Variants in ZCCHC18 observed in about 807,000 individuals in gnomAD.
ZCCHC18 encodes zinc finger CCHC domain-containing protein 18.
For missense variants in ZCCHC18, 292 were observed against 305.1 expected (o/e 0.96, Z 0.32); for synonymous variants, 112 against 115.7 (o/e 0.97, Z 0.21).
Position 104,115,465 on chromosome X carries a change from A to T in ZCCHC18, c.*142A>T. ...TTGGGAAGGAGAAGAGGTCTTGCAT[A>T]CCAGCACAGTGGATGGGGAATGGTG... On this transcript the variant is annotated 3_prime_UTR_variant, in exon 3 of 3. Transcript: ENST00000650639. 1 of 544,144 alleles carries T rather than the reference A, an allele frequency of 1.8e-6. No individual in the cohort carries two copies. Among genetic ancestry groups the T allele is most frequent in the Non-Finnish European group, 3.0e-6 (1 of 338,877 alleles). 44.8% of individuals were successfully genotyped at this position (544,144 alleles called of 1,213,427 possible).
At position 104,115,335 on chromosome X, in the gene ZCCHC18, A is replaced by C. The variant is rs782010176; in HGVS notation, c.*12A>C. On this transcript the variant is annotated 3_prime_UTR_variant, in exon 3 of 3. Coordinates refer to ENST00000650639, the MANE Select transcript of ZCCHC18 (RefSeq NM_001143978.3). ...CTGAGCCACAGTAAGGATCTAGTCC[A>C]GCCCTAAATGAGTCCTTGACTGTAT... 3 of 1,144,567 alleles carry C rather than the reference A, an allele frequency of 2.6e-6. No homozygotes were observed. In the African/African-American group the frequency reaches 5.5e-5, roughly 21 times the overall value. The allele number at this position is 1,144,567 out of a possible 1,213,427, so 94.3% of individuals were successfully genotyped here.
At position 104,113,684 on chromosome X, in the gene ZCCHC18, T is replaced by C. The variant is rs1391378867; in HGVS notation, c.-428T>C. On this transcript the variant is annotated 5_prime_UTR_variant, in exon 3 of 3. It removes the in-frame stop codon of an upstream open reading frame in the 5' UTR. Transcript: ENST00000650639. Reference sequence around the variant, plus strand: ...TCATAAATCTGTGACACACAACCATTGAGTTCCGTTTTGAGGGCCCAGTAT... The same window carrying C: ...TCATAAATCTGTGACACACAACCATCGAGTTCCGTTTTGAGGGCCCAGTAT... 1.5e-5 allele frequency: 2 copies of C among 130,111 alleles called. No individual in the cohort carries two copies. The highest frequency in any genetic ancestry group is 1.6e-4 in the Admixed American group (2 of 12,690). The allele number at this position is 130,111 out of a possible 1,213,427, so 10.7% of individuals were successfully genotyped here.
Position 104,112,801 on chromosome X carries a change from A to C in ZCCHC18, c.-931A>C, listed in dbSNP as rs1270041915. On this transcript the variant is annotated 5_prime_UTR_variant, in exon 1 of 3. Transcript: ENST00000650639. ...ACATGCTGCCCACCAGTGGAGCACAAGTAAAGAAAGAACGCGCGATTGCCC... is the reference window on the plus strand; with the variant it reads ...ACATGCTGCCCACCAGTGGAGCACACGTAAAGAAAGAACGCGCGATTGCCC... 8.9e-6 allele frequency: 1 copy of C among 112,415 alleles called. No homozygotes were observed. The allele number at this position is 112,415 out of a possible 1,213,427, so 9.3% of individuals were successfully genotyped here. A position where few individuals can be genotyped will look rare whatever the true frequency, so the allele number is the denominator to read the frequency against.
Position 104,114,796 on chromosome X carries a change from C to T in ZCCHC18, c.685C>T (p.Arg229Trp), listed in dbSNP as rs2075368883. 3 of 1,210,590 alleles carry T rather than the reference C, an allele frequency of 2.5e-6. No individual in the cohort carries two copies. Among genetic ancestry groups the T allele is most frequent in the Middle Eastern group, 2.3e-4 (1 of 4,354 alleles). The part of the protein sequence containing the change: ...EEDWDDAFIK[R>W]KRPKRSEPIM... ...GGATTGGGATGATGCTTTTATTAAA[C>T]GGAAGCGGCCGAAAAGGTCTGAGCC... The change falls in exon 3 of 3, where the codon CGG (arginine) becomes TGG (tryptophan). Residue 229 changes from arginine (R) to tryptophan (W), a missense_variant. By Grantham distance (101) the Arg-to-Trp change is moderately radical. Coordinates refer to ENST00000650639, the MANE Select transcript of ZCCHC18 (RefSeq NM_001143978.3).
rs1201498048 is a variant in ZCCHC18 at position 104,112,584 on chromosome X, G to T, written c.-1148G>T. The T allele has an allele frequency of 8.8e-6, 1 of 113,858 alleles. No individual in the cohort carries two copies. Among genetic ancestry groups the T allele is most frequent in the Non-Finnish European group, 1.9e-5 (1 of 53,458 alleles). The allele number at this position is 113,858 out of a possible 1,213,427, so 9.4% of individuals were successfully genotyped here. On this transcript the variant is annotated 5_prime_UTR_variant, in exon 1 of 3. Coordinates refer to ENST00000650639, the MANE Select transcript of ZCCHC18 (RefSeq NM_001143978.3). ...CGCGGCTGCCCGGAGGGCCGAACTG[G>T]AGGGTGGGCGCAGCCTTGGCTGCCT... is the stretch of plus-strand genomic sequence containing the variant.
chrX:104,114,441 A>G lies in ZCCHC18; in HGVS notation c.330A>G (p.Val110=). The part of the protein sequence containing the change: ...LLQAANPNLS[V]ADFLRAMKLV... Reference sequence around the variant, plus strand: ...AGGCGGCCAACCCCAACCTAAGTGTAGCAGATTTCTTGCGGGCAATGAAAT... The same window carrying G: ...AGGCGGCCAACCCCAACCTAAGTGTGGCAGATTTCTTGCGGGCAATGAAAT... Residue 110 remains valine (V), a synonymous_variant, in exon 3 of 3, where the codon GTA becomes GTG. Coordinates refer to ENST00000650639, the MANE Select transcript of ZCCHC18 (RefSeq NM_001143978.3). 1.7e-6 allele frequency: 2 copies of G among 1,211,977 alleles called. No individual in the cohort carries two copies. Among genetic ancestry groups the G allele is most frequent in the Non-Finnish European group, 1.1e-6 (1 of 895,587 alleles).
Position 104,114,411 on chromosome X carries a change from G to T in ZCCHC18, c.300G>T (p.Leu100Phe). The change falls in exon 3 of 3, where the codon TTG (leucine) becomes TTT (phenylalanine). Residue 100 changes from leucine (L) to phenylalanine (F), a missense_variant. Physicochemically the swap from Leu to Phe is conservative, Grantham distance 22. Coordinates refer to ENST00000650639, the MANE Select transcript of ZCCHC18 (RefSeq NM_001143978.3). ...LRGPAREVMR[L>F]LQAANPNLSV... Reference sequence around the variant, plus strand: ...GCCCTGCCCGGGAGGTCATGCGTTTGCTTCAGGCGGCCAACCCCAACCTAA... The same window carrying T: ...GCCCTGCCCGGGAGGTCATGCGTTTTCTTCAGGCGGCCAACCCCAACCTAA... The T allele has an allele frequency of 8.3e-7, 1 of 1,212,018 alleles. No individual in the cohort carries two copies. The highest frequency in any genetic ancestry group is 1.1e-6 in the Non-Finnish European group (1 of 895,590).
chrX:104,115,613 G>T lies in ZCCHC18; in HGVS notation c.*290G>T. 1 of 259,096 alleles carries T rather than the reference G, an allele frequency of 3.9e-6. No homozygotes were observed. The highest frequency in any genetic ancestry group is 7.2e-6 in the Non-Finnish European group (1 of 139,015). 21.4% of individuals were successfully genotyped at this position (259,096 alleles called of 1,213,427 possible). On this transcript the variant is annotated 3_prime_UTR_variant, in exon 3 of 3. Transcript: ENST00000650639. Reference sequence around the variant, plus strand: ...TTTTCATTAAACCTTCAAAAATAAAGGAAGATACAAAAACTAAAGTACAAA... The same window carrying T: ...TTTTCATTAAACCTTCAAAAATAAATGAAGATACAAAAACTAAAGTACAAA...
rs1556360339 is a variant in ZCCHC18, at chrX:104,114,277, CAGGGGAAA to C, written c.167_174del (p.Gln56ArgfsTer4). ...GTTCTCAGGAAGAGTGGTGCCAGCC[CAGGGGAAA>C]GAAACCTTTGAAAACTGGCTGATCC... is the stretch of plus-strand genomic sequence containing the variant. On this transcript the variant is annotated frameshift_variant, in exon 3 of 3. Coordinates refer to ENST00000650639, the MANE Select transcript of ZCCHC18 (RefSeq NM_001143978.3). LOFTEE classifies it low-confidence loss of function (END_TRUNC). 4 of 1,208,385 alleles carry C rather than the reference CAGGGGAAA, an allele frequency of 3.3e-6. No individual in the cohort carries two copies. The Admixed American group carries it at 8.8e-5, about 27-fold the overall frequency.
chrX:104,114,623 A>G lies in ZCCHC18; in HGVS notation c.512A>G (p.Asn171Ser). Residue 171 changes from asparagine (N) to serine (S), a missense_variant, in exon 3 of 3, where the codon AAC becomes AGC. Coordinates refer to ENST00000650639, the MANE Select transcript of ZCCHC18 (RefSeq NM_001143978.3). ...GGCATCCTAGCTGAGAAAGATGCAA[A>G]CCAGACTCGCTTGCAACAGCTTCTT... ...QAGILAEKDA[N>S]QTRLQQLLLG... 8.3e-7 allele frequency: 1 copy of G among 1,211,909 alleles called. No homozygotes were observed. Among genetic ancestry groups the G allele is most frequent in the Non-Finnish European group, 1.1e-6 (1 of 895,579 alleles).
In ZCCHC18 at chrX:104,115,336, G is replaced by T; in HGVS notation, c.*13G>T. 8.8e-7 allele frequency: 1 copy of T among 1,142,414 alleles called. No individual in the cohort carries two copies. The highest frequency in any genetic ancestry group is 1.2e-6 in the Non-Finnish European group (1 of 860,391). The allele number at this position is 1,142,414 out of a possible 1,213,427, so 94.1% of individuals were successfully genotyped here. ...TGAGCCACAGTAAGGATCTAGTCCA[G>T]CCCTAAATGAGTCCTTGACTGTATT... On this transcript the variant is annotated 3_prime_UTR_variant, in exon 3 of 3. Coordinates refer to ENST00000650639, the MANE Select transcript of ZCCHC18 (RefSeq NM_001143978.3).
rs1207300525 is a variant in ZCCHC18, at chrX:104,114,456, G to C, written c.345G>C (p.Arg115=). The C allele has an allele frequency of 9.9e-6, 12 of 1,209,874 alleles. No homozygotes were observed. Among genetic ancestry groups the C allele is most frequent in the African/African-American group, 1.8e-5 (1 of 57,026 alleles). ...ACCTAAGTGTAGCAGATTTCTTGCG[G>C]GCAATGAAATTGGTGTTTGGGGAGT... ...NPNLSVADFL[R]AMKLVFGESE... is the part of the protein sequence containing the mutation. Residue 115 remains arginine (R), a synonymous_variant, in exon 3 of 3, where the codon CGG becomes CGC. Coordinates refer to ENST00000650639, the MANE Select transcript of ZCCHC18 (RefSeq NM_001143978.3).
rs1556359526 is a variant in ZCCHC18 at position 104,112,606 on chromosome X, G to A, written c.-1126G>A. On this transcript the variant is annotated 5_prime_UTR_variant, in exon 1 of 3. Transcript: ENST00000650639. ...CTGGAGGGTGGGCGCAGCCTTGGCT[G>A]CCTTGGGAACCGTGCTGCCTCGACT... The A allele has an allele frequency of 8.8e-6, 1 of 113,760 alleles. No homozygotes were observed. Among genetic ancestry groups the A allele is most frequent in the East Asian group, 2.8e-4 (1 of 3,594 alleles). 9.4% of individuals were successfully genotyped at this position (113,760 alleles called of 1,213,427 possible). A position where few individuals can be genotyped will look rare whatever the true frequency, so the allele number is the denominator to read the frequency against.
In ZCCHC18 at chrX:104,115,124, G is replaced by A. The variant is rs1569461462; in HGVS notation, c.1013G>A (p.Arg338His). ...AAGAATGATGGTCCTGGGAATATTC[G>A]TAGAGCCAGGAAGCGAAAATACACA... ...GYKNDGPGNI[R>H]RARKRKYTTR... The change falls in exon 3 of 3, where the codon CGT becomes CAT. Residue 338 changes from arginine (R) to histidine (H), a missense_variant. By Grantham distance (29) the Arg-to-His change is conservative. Coordinates refer to ENST00000650639, the MANE Select transcript of ZCCHC18 (RefSeq NM_001143978.3). 5.8e-6 allele frequency: 7 copies of A among 1,204,046 alleles called. No homozygotes were observed. The highest frequency in any genetic ancestry group is 2.2e-5 in the Admixed American group (1 of 45,020).
chrX:104,112,837 G>A lies in ZCCHC18; in HGVS notation c.-895G>A, dbSNP rs113476708. On this transcript the variant is annotated 5_prime_UTR_variant, in exon 1 of 3. Coordinates refer to ENST00000650639, the MANE Select transcript of ZCCHC18 (RefSeq NM_001143978.3). Reference sequence around the variant, plus strand: ...AACGCGCGATTGCCCGGCGCGGAGAGGGGTGGGGGAAGCCCCGCCAGGACT... The same window carrying A: ...AACGCGCGATTGCCCGGCGCGGAGAAGGGTGGGGGAAGCCCCGCCAGGACT... The A allele has an allele frequency of 8.9e-6, 1 of 112,624 alleles. No individual in the cohort carries two copies. Among genetic ancestry groups the A allele is most frequent in the Non-Finnish European group, 1.9e-5 (1 of 53,372 alleles). The allele number at this position is 112,624 out of a possible 1,213,427, so 9.3% of individuals were successfully genotyped here. A position where few individuals can be genotyped will look rare whatever the true frequency, so the allele number is the denominator to read the frequency against.
In ZCCHC18 at chrX:104,115,412, A is replaced by T. The variant is rs1602492841; in HGVS notation, c.*89A>T. The T allele has an allele frequency of 1.1e-6, 1 of 892,334 alleles. No individual in the cohort carries two copies. Among genetic ancestry groups the T allele is most frequent in the East Asian group, 3.4e-5 (1 of 29,380 alleles). The allele number at this position is 892,334 out of a possible 1,213,427, so 73.5% of individuals were successfully genotyped here. A position where few individuals can be genotyped will look rare whatever the true frequency, so the allele number is the denominator to read the frequency against. On this transcript the variant is annotated 3_prime_UTR_variant, in exon 3 of 3. Coordinates refer to ENST00000650639, the MANE Select transcript of ZCCHC18 (RefSeq NM_001143978.3). ...GAGAGGGGGGTGGGTTTCTAACTGC[A>T]TGAATTAATCCACAAAGCAGTTTTC...
rs2075363327 is a variant in ZCCHC18 at position 104,114,104 on chromosome X, C to T, written c.-8C>T. 1.7e-6 allele frequency: 2 copies of T among 1,211,583 alleles called. No homozygotes were observed. Among genetic ancestry groups the T allele is most frequent in the Non-Finnish European group, 2.2e-6 (2 of 895,413 alleles). On this transcript the variant is annotated 5_prime_UTR_variant, in exon 3 of 3. Coordinates refer to ENST00000650639, the MANE Select transcript of ZCCHC18 (RefSeq NM_001143978.3). ...TTGTTGTATTCAGATACCCTATCGT[C>T]GTCAGTCATGGCTAGCATCACTGCG...
rs1004380129 is a variant in ZCCHC18 at position 104,113,998 on chromosome X, T to C, written c.-114T>C. The C allele has an allele frequency of 1.9e-5, 21 of 1,124,110 alleles. No homozygotes were observed. Among genetic ancestry groups the C allele is most frequent in the Non-Finnish European group, 2.5e-5 (21 of 845,841 alleles). 92.6% of individuals were successfully genotyped at this position (1,124,110 alleles called of 1,213,427 possible). A position where few individuals can be genotyped will look rare whatever the true frequency, so the allele number is the denominator to read the frequency against. ...TTTTTACTTTCCTTAGAATCCCTAC[T>C]GAAATATAAGGCAGGCACAGCCCAG... On this transcript the variant is annotated 5_prime_UTR_variant, in exon 3 of 3. Coordinates refer to ENST00000650639, the MANE Select transcript of ZCCHC18 (RefSeq NM_001143978.3).
At position 104,114,628 on chromosome X, in the gene ZCCHC18, A is replaced by C. The variant is rs782489152; in HGVS notation, c.517A>C (p.Thr173Pro). Residue 173 changes from threonine (T) to proline (P), a missense_variant, in exon 3 of 3, where the codon ACT becomes CCT. Physicochemically the swap from Thr to Pro is conservative, Grantham distance 38. Transcript: ENST00000650639. ...CCTAGCTGAGAAAGATGCAAACCAGACTCGCTTGCAACAGCTTCTTTTAGG... is the reference window on the plus strand; with the variant it reads ...CCTAGCTGAGAAAGATGCAAACCAGCCTCGCTTGCAACAGCTTCTTTTAGG... ...GILAEKDANQTRLQQLLLGAE... is the reference protein window; with the variant it reads ...GILAEKDANQPRLQQLLLGAE... 2.5e-6 allele frequency: 3 copies of C among 1,209,961 alleles called. No individual in the cohort carries two copies. The highest frequency in any genetic ancestry group is 2.2e-6 in the Non-Finnish European group (2 of 895,277).
Sources: allele counts gnomAD v4.1 joint callset, GRCh38; gene constraint gnomAD v4.1.1; transcripts MANE v1.5; gene names NCBI Gene and HGNC (gene_info 2026-07-23, HGNC 2026-07-21).